The following CLASP1 variants were observed in gnomAD, a reference collection of about 807,000 sequenced individuals.
The protein encoded by CLASP1 is cytoplasmic linker associated protein 1.
In CLASP1, 38 loss-of-function variants were observed where a neutral mutation model predicts 192.3. The observed-to-expected ratio is 0.20, with a 90% CI of 0.15 to 0.26. CLASP1 has a LOEUF of 0.26. CLASP1 is among the 10% of genes least tolerant of loss of function. The pLI, the probability that CLASP1 is intolerant of heterozygous loss-of-function variation, is 1.00. For missense variants in CLASP1, 1,433 were observed against 1,932.5 expected (o/e 0.74, Z 4.85); for synonymous variants, 691 against 712.8 (o/e 0.97, Z 0.49).
chr2:121,631,287 C>CTT (rs769717647), intron 1 of CLASP1, among the ~76,000 whole-genome samples: 48 of 127,574 alleles, frequency 3.8e-4, no homozygotes, highest in African/African-American at 6.5e-4. Context: ...TTTAAAATTA[C>CTT]TTTTTTTTTT....
In CLASP1 at chr2:121,646,847, C is replaced by A. The variant is rs561172310; in HGVS notation, c.-286+2525G>T. On this transcript the variant is annotated intron_variant, in intron 1 of 39. Transcript: ENST00000263710. Reference sequence around the variant, plus strand: ...GGTCAGGATATCAAGGCCATCCTGGCTAACACGGTGAAACCCCGTCTCTAC... The same window carrying A: ...GGTCAGGATATCAAGGCCATCCTGGATAACACGGTGAAACCCCGTCTCTAC... Among the ~76,000 whole-genome samples the A allele has an allele frequency of 3.6e-4, 55 of 150,992 alleles. 1 individual carries two copies. The highest frequency in any genetic ancestry group is 2.5e-3 in the South Asian group (12 of 4,768).
chr2:121,448,251 C>T (rs746232575), intron 18 of CLASP1, 25 bp downstream of exon 18: 2 of 1,605,224 alleles, frequency 1.2e-6, no homozygotes, highest in Non-Finnish European at 8.5e-7. Context: ...GGAGAACAGG[C>T]CTTCTCCACG....
At chr2:121,352,398 T>C (rs2149159645) in intron 37 of CLASP1, among the ~76,000 whole-genome samples, 1 of 152,350 alleles carries the variant, frequency 6.6e-6, no homozygotes, top group East Asian at 1.9e-4. Flanking sequence ...CTGTGATTTC[T>C]TTTTCTTGCC....
At chr2:121,476,964 TCTG>T (rs1221409738) in intron 8 of CLASP1, among the ~76,000 whole-genome samples, 2 of 152,260 alleles carry the variant, frequency 1.3e-5, no homozygotes, top group African/African-American at 4.8e-5. Flanking sequence ...AAAGGCTGTT[TCTG>T]CTATCTGCAA....
intron 14 of CLASP1, 62 bp downstream of exon 14, chr2:121,457,625 T>A: frequency 7.8e-7 from 1 of 1,287,640 alleles, no homozygotes; most frequent in Admixed American, 1.8e-5. Flanking sequence ...TGGAAGGAGA[T>A]TTGGAATTTG....
At chr2:121,387,023 T>C in intron 32 of CLASP1, 99 bp downstream of exon 33, 2 of 969,758 alleles carry the variant, frequency 2.1e-6, no homozygotes, top group Non-Finnish European at 3.2e-6. Context: ...AATATTCTTT[T>C]TGTTATTTAG....
intron 20 of CLASP1, 150 bp downstream of exon 20, chr2:121,429,923 A>C: frequency 1.6e-6 from 1 of 606,634 alleles, no homozygotes; most frequent in East Asian, 2.8e-5. Context: ...AAGCTTACCC[A>C]ACAAACAGTA....
chr2:121,613,689 TACAC>T (rs1458202968), intron 1 of CLASP1, among the ~76,000 whole-genome samples: 2 of 151,920 alleles, frequency 1.3e-5, no homozygotes, highest in African/African-American at 4.8e-5. Flanking sequence ...CTGTGGCACT[TACAC>T]ACACTATCAG....
chr2:121,638,775 C>A (rs1407791199), intron 1 of CLASP1, among the ~76,000 whole-genome samples: 1 of 151,710 alleles, frequency 6.6e-6, no homozygotes, highest in Non-Finnish European at 1.5e-5. Context: ...TCAAGCAATT[C>A]TCCTGCCTCA....
rs560345490 is a variant in CLASP1 at position 121,401,397 on chromosome 2, A to G, written c.2900+112T>C. Reference sequence around the variant, plus strand: ...CAACAACAGAAAGTGAGAACTGAGTAAAAGAGATATTCAAGGGGGTGACAA... The same window carrying G: ...CAACAACAGAAAGTGAGAACTGAGTGAAAGAGATATTCAAGGGGGTGACAA... On this transcript the variant is annotated intron_variant, in intron 28 of 39. Transcript: ENST00000263710. The G allele has an allele frequency of 6.5e-6, 5 of 768,002 alleles. No homozygotes were observed. The African/African-American group carries it at 6.9e-5, about 11-fold the overall frequency. The allele number at this position is 768,002 out of a possible 1,614,324, so 47.6% of individuals were successfully genotyped here.
At chr2:121,450,464 C>A (rs1249532427) in intron 16 of CLASP1, among the ~76,000 whole-genome samples, 1 of 152,122 alleles carries the variant, frequency 6.6e-6, no homozygotes, top group Non-Finnish European at 1.5e-5. Flanking sequence ...TGTGATAATC[C>A]CAGGCATTAG....
intron 1 of CLASP1, among the ~76,000 whole-genome samples, chr2:121,613,234 A>G (rs6541789): frequency 0.24 from 36,043 of 152,136 alleles, 6,507 homozygotes; most frequent in African/African-American, 0.5. Flanking sequence ...CAACATCAAC[A>G]TTCTCTGCCC....
intron 1 of CLASP1, among the ~76,000 whole-genome samples, chr2:121,610,890 A>G (rs1378403342): frequency 7.8e-4 from 47 of 60,214 alleles, no homozygotes; most frequent in South Asian, 1.8e-3. Flanking sequence ...TGGCGGAGGA[A>G]GAGGAGTTAC....
chr2:121,380,636 A>C (rs376876401), intron 33 of CLASP1, among the ~76,000 whole-genome samples: 1 of 152,196 alleles, frequency 6.6e-6, no homozygotes, highest in Non-Finnish European at 1.5e-5. Context: ...TTGTAGGAAA[A>C]GGGTACAATG....
chr2:121,606,921 G>A (rs1368432227), intron 1 of CLASP1, among the ~76,000 whole-genome samples: 1 of 152,088 alleles, frequency 6.6e-6, no homozygotes, highest in Non-Finnish European at 1.5e-5. Flanking sequence ...GCTGGGCATG[G>A]TGGCAGTGCC....
intron 1 of CLASP1, among the ~76,000 whole-genome samples, chr2:121,648,969 G>A (rs2073705724): frequency 6.6e-6 from 1 of 152,154 alleles, no homozygotes. Context: ...AGTTGTTGTG[G>A]GTTTCTCTCC....
chr2:121,443,405 T>C (rs144607521), intron 19 of CLASP1, among the ~76,000 whole-genome samples: 1 of 152,360 alleles, frequency 6.6e-6, no homozygotes, highest in Non-Finnish European at 1.5e-5. Context: ...GTAATGTCTT[T>C]GCTTTCCATT....
intron 1 of CLASP1, among the ~76,000 whole-genome samples, chr2:121,624,057 G>T (rs565693380): frequency 2.0e-5 from 3 of 151,732 alleles, no homozygotes; most frequent in Admixed American, 2.0e-4. Flanking sequence ...CTAGCTCAAG[G>T]TTTGTGCATT....
chr2:121,529,945 TC>T lies in CLASP1; in HGVS notation c.274+301del, dbSNP rs1366733432. On this transcript the variant is annotated intron_variant, in intron 3 of 39. Transcript: ENST00000263710. ...CATATTAGAACACGTATTACTAAGT[TC>T]CGTGTGAGAACACAGTGAAGCCAGT... Among the ~76,000 whole-genome samples, 8 of 152,258 alleles carry T rather than the reference TC, an allele frequency of 5.3e-5. 1 individual carries two copies. The highest frequency in any genetic ancestry group is 6.8e-3 in the Middle Eastern group (2 of 294).
Sources: gnomAD v4.1 joint callset for allele counts (sites outside exome capture counted in the v4.1 genomes callset) on GRCh38, gnomAD v4.1.1 for gene constraint, MANE v1.5 for transcripts, NCBI Gene and HGNC (gene_info 2026-07-23, HGNC 2026-07-21) for gene names.